FAM124A: variants seen among roughly 807,000 people sequenced by gnomAD.
FAM124A encodes the protein family with sequence similarity 124 member A.
A neutral mutation model predicts 24.5 loss-of-function variants in FAM124A; 23 were observed. That is an observed-to-expected ratio of 0.94 (90% CI 0.68 to 1.33). The LOEUF is 1.33. Among genes scored for constraint, FAM124A ranks in the 40% most tolerant of loss-of-function variants. FAM124A has a pLI of 0.00. For missense variants in FAM124A, 623 were observed against 722.8 expected, an observed-to-expected ratio of 0.86 and a Z score of 1.58; for synonymous variants, 287 against 314.7, an observed-to-expected ratio of 0.91 and a Z score of 0.93.
At chr13:51,231,268 AC>A in intron 1 of FAM124A, 79 bp from the exon 2 acceptor site, 2 of 1,501,748 alleles carry the variant, frequency 1.3e-6, no homozygotes, top group South Asian at 2.3e-5. Context: ...AATGCTACTT[AC>A]CACTGACTGT....
chr13:51,243,029 C>T (rs954147091), intron 2 of FAM124A, among the ~76,000 whole-genome samples: 1 of 152,240 alleles, frequency 6.6e-6, no homozygotes, highest in African/African-American at 2.4e-5. Context: ...CAGGACACTT[C>T]TGTGAAATCA....
chr13:51,244,813 C>G (rs1365125863), intron 2 of FAM124A, among the ~76,000 whole-genome samples: 1 of 152,212 alleles, frequency 6.6e-6, no homozygotes, highest in Non-Finnish European at 1.5e-5. Flanking sequence ...TCCGAAGACT[C>G]CAGCTGAGGA....
At chr13:51,255,433 T>G (rs1954665169) in intron 3 of FAM124A, among the ~76,000 whole-genome samples, 2 of 152,130 alleles carry the variant, frequency 1.3e-5, no homozygotes, top group Admixed American at 6.5e-5. Context: ...CACTGCAAAA[T>G]TTTCCTTATC....
intron 1 of FAM124A, among the ~76,000 whole-genome samples, chr13:51,224,616 G>A (rs534307564): frequency 3.0e-4 from 46 of 152,208 alleles, no homozygotes; most frequent in South Asian, 6.2e-4. Flanking sequence ...GCTGTTCATC[G>A]TTTCCCTGCT....
At chr13:51,236,491 A>G (rs1285065529) in intron 2 of FAM124A, among the ~76,000 whole-genome samples, 1 of 152,226 alleles carries the variant, frequency 6.6e-6, no homozygotes, top group African/African-American at 2.4e-5. Flanking sequence ...AGCATTTTGG[A>G]GGGAAAGATG....
At position 51,251,908 on chromosome 13, in the gene FAM124A, G is replaced by C. The variant is rs17075482; in HGVS notation, c.541G>C (p.Asp181His). Residue 181 changes from aspartate to histidine, a missense_variant, in exon 3 of 4, where the codon GAC (aspartate) becomes CAC (histidine). By Grantham distance (81) the Asp-to-His change is moderately conservative. Transcript: ENST00000322475. This position sits in a 1 kb window ranked among gnomAD's most constrained non-coding sequence, Gnocchi z 5.3. ...IVRFTVYCRY[D>H]NYADSLRFYQ... ...GCGCTTCACCGTCTACTGTCGCTAC[G>C]ACAACTATGCTGACAGCCTCAGGTT... 0.076 allele frequency: 122,310 copies of C among 1,614,002 alleles called. 5,925 individuals are homozygous for C. The highest frequency in any genetic ancestry group is 0.23 in the African/African-American group (17,063 of 75,006).
At chr13:51,229,695 G>A (rs559406171) in intron 1 of FAM124A, among the ~76,000 whole-genome samples, 232 of 152,316 alleles carry the variant, frequency 1.5e-3, no homozygotes, top group African/African-American at 5.3e-3. Flanking sequence ...ATCTTAAGAT[G>A]ATTTTATTGT....
chr13:51,227,088 GTTTTA>G (rs1230104617), intron 1 of FAM124A, among the ~76,000 whole-genome samples: 1 of 152,132 alleles, frequency 6.6e-6, no homozygotes, highest in Non-Finnish European at 1.5e-5. Context: ...TAAACTTAGA[GTTTTA>G]TTTAATAAAA....
intron 2 of FAM124A, among the ~76,000 whole-genome samples, chr13:51,237,563 A>G (rs938422642): frequency 2.6e-5 from 4 of 152,156 alleles, no homozygotes; most frequent in South Asian, 4.2e-4. Flanking sequence ...GGTTCTCCAT[A>G]AGGGGCTGAG....
At chr13:51,240,686 C>T (rs1954481209) in intron 2 of FAM124A, among the ~76,000 whole-genome samples, 1 of 152,128 alleles carries the variant, frequency 6.6e-6, no homozygotes, top group Non-Finnish European at 1.5e-5. Context: ...ATAAGAAGCT[C>T]CTATTATAAA....
At chr13:51,247,345 G>A (rs915193777) in intron 2 of FAM124A, among the ~76,000 whole-genome samples, 7 of 152,240 alleles carry the variant, frequency 4.6e-5, no homozygotes, top group African/African-American at 1.7e-4. Context: ...CATACTCTGT[G>A]TGACCTTGGC....
At chr13:51,254,137 C>A (rs2137682539) in intron 3 of FAM124A, among the ~76,000 whole-genome samples, 1 of 152,270 alleles carries the variant, frequency 6.6e-6, no homozygotes, top group Non-Finnish European at 1.5e-5. Context: ...ACCTTTCTAT[C>A]CACATTCTCT....
intron 1 of FAM124A, among the ~76,000 whole-genome samples, chr13:51,226,381 A>AC (rs1025134690): frequency 6.6e-6 from 1 of 152,014 alleles, no homozygotes; most frequent in African/African-American, 2.4e-5. Context: ...AGGAGGCAGG[A>AC]CATCCCCTCC....
At chr13:51,279,636 A>G (rs978012321) in intron 3 of FAM124A, among the ~76,000 whole-genome samples, 2 of 152,128 alleles carry the variant, frequency 1.3e-5, no homozygotes, top group Non-Finnish European at 2.9e-5. Context: ...CACAACAGAA[A>G]CGGGTTACTG....
chr13:51,228,428 T>C (rs1954338857), intron 1 of FAM124A, among the ~76,000 whole-genome samples: 1 of 152,198 alleles, frequency 6.6e-6, no homozygotes. Flanking sequence ...GGTGTGTGAA[T>C]GTACATAATT....
chr13:51,273,474 T>C (rs1381537599), intron 3 of FAM124A, among the ~76,000 whole-genome samples: 2 of 152,222 alleles, frequency 1.3e-5, no homozygotes, highest in Non-Finnish European at 2.9e-5. Context: ...GGGCTTGCTA[T>C]GTTGCCCAGG....
rs770502031 is a variant in FAM124A, at chr13:51,281,014, A to C, written c.1399A>C (p.Thr467Pro). The C allele has an allele frequency of 1.6e-5, 26 of 1,613,700 alleles. No individual in the cohort carries two copies. Among genetic ancestry groups the C allele is most frequent in the Non-Finnish European group, 1.9e-5 (23 of 1,179,868 alleles). The part of the protein sequence containing the change: ...HKDSREGPLP[T>P]VSRVTTEASW... Reference sequence around the variant, plus strand: ...GGATTCCAGGGAGGGACCACTGCCCACTGTCAGCAGGGTGACCACAGAGGC... The same window carrying C: ...GGATTCCAGGGAGGGACCACTGCCCCCTGTCAGCAGGGTGACCACAGAGGC... The change falls in exon 4 of 4, where the codon ACT becomes CCT. Residue 467 changes from threonine (T) to proline (P), a missense_variant. Thr to Pro is a conservative substitution (Grantham distance 38). Transcript: ENST00000322475.
At chr13:51,237,870 A>G (rs1230063127) in intron 2 of FAM124A, among the ~76,000 whole-genome samples, 3 of 152,224 alleles carry the variant, frequency 2.0e-5, no homozygotes, top group African/African-American at 4.8e-5. Context: ...CCCAGAAGCC[A>G]GGGGCCTCAC....
At chr13:51,229,070 A>T (rs1340721148) in intron 1 of FAM124A, among the ~76,000 whole-genome samples, 1 of 152,236 alleles carries the variant, frequency 6.6e-6, no homozygotes, top group Non-Finnish European at 1.5e-5. Context: ...TCATTATGGC[A>T]ACTGTGTACA....
Sources: gnomAD v4.1 joint callset for allele counts (sites outside exome capture counted in the v4.1 genomes callset) on GRCh38, gnomAD v4.1.1 for gene constraint, Gnocchi (gnomAD v3.1) non-coding constraint, MANE v1.5 for transcripts, NCBI Gene and HGNC (gene_info 2026-07-23, HGNC 2026-07-21) for gene names.